The following SLC44A5 variants were observed in gnomAD, a reference collection of about 807,000 sequenced individuals.
The protein encoded by SLC44A5 is solute carrier family 44 member 5.
SLC44A5 carries 57 observed loss-of-function variants against 101.8 expected under a neutral mutation model. That is an observed-to-expected ratio of 0.56 (90% confidence interval 0.45 to 0.70). The LOEUF (loss-of-function observed/expected upper bound fraction) is 0.70, where lower values mean the gene tolerates loss of function less well. Ranked by LOEUF, SLC44A5 falls within the 30% of genes least tolerant of loss-of-function variation. The probability of loss-of-function intolerance (pLI) is 0.00; values close to 1 mark genes in which losing one functional copy is unlikely to be tolerated. For synonymous variants in SLC44A5, 281 were observed against 290.9 expected, an observed-to-expected ratio of 0.97 and a Z score of 0.35; for missense variants, 737 against 853.1, an observed-to-expected ratio of 0.86 and a Z score of 1.70.
chr1:75,462,896 A>G (rs1557810382), intron 2 of SLC44A5, among the ~76,000 whole-genome samples: 1 of 152,168 alleles, frequency 6.6e-6, no homozygotes, highest in African/African-American at 2.4e-5. Context: ...CGATATCTAG[A>G]AAATAGCTTC....
At chr1:75,287,347 CT>C (rs1016307514) in intron 5 of SLC44A5, among the ~76,000 whole-genome samples, 4 of 140,206 alleles carry the variant, frequency 2.9e-5, no homozygotes, top group African/African-American at 7.8e-5. Context: ...TATTCTGTAA[CT>C]TTTTTTCATT....
At chr1:75,697,769 G>C in the SLC44A5 span, among the ~76,000 whole-genome samples, 33 of 152,300 alleles carry the variant, frequency 2.2e-4, no homozygotes, top group South Asian at 6.2e-4. Context: ...GAGTGCCAGA[G>C]AGTGGGCGCA....
chr1:75,216,060 T>C (rs935052782), intron 18 of SLC44A5, among the ~76,000 whole-genome samples: 1 of 152,036 alleles, frequency 6.6e-6, no homozygotes, highest in Non-Finnish European at 1.5e-5. Context: ...CAACCATCAC[T>C]GCTGTTTCCA....
At chr1:75,260,704 A>T (rs897080463) in intron 6 of SLC44A5, among the ~76,000 whole-genome samples, 11 of 152,168 alleles carry the variant, frequency 7.2e-5, no homozygotes, top group African/African-American at 2.7e-4. Flanking sequence ...TCTCCACTCC[A>T]TATCAGCAGA....
chr1:75,211,661 T>C lies in SLC44A5; in HGVS notation c.1963-109A>G, dbSNP rs570429210. Reference sequence around the variant, plus strand: ...TGAGAAAGTTTTGAAGTACTCTGTATGGGAAAAGAGTTCAGTATAGAGACC... The same window carrying C: ...TGAGAAAGTTTTGAAGTACTCTGTACGGGAAAAGAGTTCAGTATAGAGACC... On this transcript the variant is annotated intron_variant, in intron 22 of 23. Transcript: ENST00000370859. 16 of 772,408 alleles carry C rather than the reference T, an allele frequency of 2.1e-5. No individual in the cohort carries two copies. In the South Asian group the frequency reaches 2.6e-4, roughly 13 times the overall value. The allele number at this position is 772,408 out of a possible 1,614,324, so 47.8% of individuals were successfully genotyped here. A position where few individuals can be genotyped will look rare whatever the true frequency, so the allele number is the denominator to read the frequency against.
intron 3 of SLC44A5, among the ~76,000 whole-genome samples, chr1:75,357,476 T>A (rs1301886084): frequency 6.6e-6 from 1 of 152,034 alleles, no homozygotes; most frequent in Non-Finnish European, 1.5e-5. Context: ...AAGAAACAAC[T>A]CCTCTTGTGA....
At chr1:75,254,834 C>T (rs1330331517) in intron 6 of SLC44A5, among the ~76,000 whole-genome samples, 6 of 152,066 alleles carry the variant, frequency 3.9e-5, no homozygotes, top group East Asian at 1.9e-4. Context: ...AAATCAGAAC[C>T]GCTGTGTTTC....
chr1:75,487,790 C>G (rs1668229843), intron 2 of SLC44A5, among the ~76,000 whole-genome samples: 1 of 152,152 alleles, frequency 6.6e-6, no homozygotes, highest in Admixed American at 6.6e-5. Context: ...CACTATATAG[C>G]CCAGGGGTCC....
chr1:75,375,249 A>G (rs1249804), intron 3 of SLC44A5, among the ~76,000 whole-genome samples: 78,600 of 152,076 alleles, frequency 0.52, 22,313 homozygotes, highest in East Asian at 0.94. Flanking sequence ...CAAGCTGAGG[A>G]AAGAATTTCA....
chr1:75,487,562 A>G (rs1668218709), intron 2 of SLC44A5, among the ~76,000 whole-genome samples: 1 of 152,224 alleles, frequency 6.6e-6, no homozygotes, highest in African/African-American at 2.4e-5. Context: ...GAGTTGACTC[A>G]GAGCTCAATG....
At chr1:75,444,112 T>C (rs980666180) in intron 2 of SLC44A5, among the ~76,000 whole-genome samples, 1 of 150,266 alleles carries the variant, frequency 6.7e-6, no homozygotes, top group Non-Finnish European at 1.5e-5. Context: ...AGTTCAGGAG[T>C]TTGAGACCAG....
intron 3 of SLC44A5, among the ~76,000 whole-genome samples, chr1:75,381,214 G>T (rs1391425378): frequency 1.7e-5 from 1 of 58,058 alleles, no homozygotes; most frequent in Non-Finnish European, 2.8e-5. Flanking sequence ...CAATGAATTC[G>T]GAACTATTAT....
intron 1 of SLC44A5, among the ~76,000 whole-genome samples, chr1:75,596,237 T>C (rs1457348254): frequency 1.3e-5 from 2 of 151,304 alleles, no homozygotes; most frequent in Admixed American, 1.3e-4. Flanking sequence ...CAATGTAATG[T>C]TCACGAGAGA....
intron 2 of SLC44A5, among the ~76,000 whole-genome samples, chr1:75,472,356 A>C (rs559514578): frequency 6.6e-6 from 1 of 152,204 alleles, no homozygotes; most frequent in South Asian, 2.1e-4. Context: ...TAGATGTGGT[A>C]CCCATTCTGC....
chr1:75,600,552 T>C (rs1674913782), intron 1 of SLC44A5, among the ~76,000 whole-genome samples: 1 of 152,152 alleles, frequency 6.6e-6, no homozygotes, highest in Non-Finnish European at 1.5e-5. Context: ...ATATTTTAAG[T>C]AGTTTATAAA....
intron 2 of SLC44A5, among the ~76,000 whole-genome samples, chr1:75,537,820 A>C (rs180900833): frequency 6.6e-6 from 1 of 152,334 alleles, no homozygotes; most frequent in East Asian, 1.9e-4. Context: ...TCATTTATTA[A>C]ACATTTTCTG....
intron 2 of SLC44A5, among the ~76,000 whole-genome samples, chr1:75,488,622 G>A (rs552428211): frequency 2.6e-5 from 4 of 152,176 alleles, no homozygotes; most frequent in South Asian, 2.1e-4. Context: ...TTAGTCTTCT[G>A]GAGTCACTCA....
chr1:75,486,612 T>C (rs1389611827), intron 2 of SLC44A5, among the ~76,000 whole-genome samples: 2 of 152,246 alleles, frequency 1.3e-5, no homozygotes, highest in Non-Finnish European at 2.9e-5. Context: ...AAAAAAACTT[T>C]ATTTTGGGAT....
chr1:75,716,925 T>C, the SLC44A5 span, among the ~76,000 whole-genome samples: 2 of 151,822 alleles, frequency 1.3e-5, no homozygotes, highest in East Asian at 1.9e-4. Context: ...TCCCAGCTAC[T>C]TGGGAGGCTG....
Sources: allele counts gnomAD v4.1 joint callset (sites outside exome capture counted in the v4.1 genomes callset), GRCh38; gene constraint gnomAD v4.1.1; transcripts MANE v1.5; gene names NCBI Gene and HGNC (gene_info 2026-07-23, HGNC 2026-07-21).